Variants in GON4L observed in about 807,000 individuals in gnomAD.
GON4L encodes the protein gon-4 like, also known as GON-4-like protein.
In GON4L, 87 loss-of-function variants were observed where a neutral mutation model predicts 211.8. That is an observed-to-expected ratio of 0.41 (90% confidence interval 0.35 to 0.49). The LOEUF (loss-of-function observed/expected upper bound fraction) is 0.49, where lower values mean the gene tolerates loss of function less well. Ranked by LOEUF, GON4L falls within the 20% of genes least tolerant of loss-of-function variation. GON4L has a pLI of 0.15. For missense variants in GON4L, 2,155 were observed against 2,659.5 expected, an observed-to-expected ratio of 0.81 and a Z score of 4.17; for synonymous variants, 875 against 962.6, an observed-to-expected ratio of 0.91 and a Z score of 1.68.
rs555475969 is a variant in GON4L at position 155,833,267 on chromosome 1, C to CCTGA, written c.506-6240_506-6239insTCAG. On this transcript the variant is annotated intron_variant, in intron 2 of 31. Coordinates refer to ENST00000368331, the MANE Select transcript of GON4L (RefSeq NM_001282860.2). The stretch of plus-strand genomic sequence containing the variant: ...TAGCATTTTAATCTTATAATTTCCT[C>CCTGA]CAGTTCCTTCTGACAACTTATCTTG... 2.1e-3 allele frequency among the ~76,000 whole-genome samples: 319 copies of CCTGA among 152,226 alleles called. 1 individual carries two copies. The highest frequency in any genetic ancestry group is 7.5e-3 in the African/African-American group (310 of 41,540).
intron 1 of GON4L, among the ~76,000 whole-genome samples, chr1:155,854,650 G>T (rs1318542626): frequency 1.3e-5 from 2 of 152,164 alleles, no homozygotes; most frequent in Non-Finnish European, 2.9e-5. Context: ...GATGGTAAAT[G>T]ATCAATACAT....
In GON4L at chr1:155,760,462, T is replaced by A; in HGVS notation, c.5091A>T (p.Gln1697His). ...KDFAAFLLPEQALACGLFEEQ... is the reference protein window; with the variant it reads ...KDFAAFLLPEHALACGLFEEQ... ...CACTTACTAATCCACAGGCCAGAGC[T>A]TGCTCAGGTAACAGGAAAGCAGCAA... Residue 1697 changes from glutamine to histidine, a missense_variant, in exon 24 of 32, where the codon CAA becomes CAT. By Grantham distance (24) the Gln-to-His change is conservative. This residue lies in a region of GON4L where 455 missense variants were observed against 504.6 expected (regional missense o/e 0.90). Transcript: ENST00000368331. The A allele has an allele frequency of 6.2e-7, 1 of 1,609,584 alleles. No homozygotes were observed. Among genetic ancestry groups the A allele is most frequent in the Non-Finnish European group, 8.5e-7 (1 of 1,176,176 alleles).
Position 155,853,571 on chromosome 1 carries a change from C to T in GON4L, c.210G>A (p.Gln70=). The T allele has an allele frequency of 6.2e-7, 1 of 1,614,208 alleles. No individual in the cohort carries two copies. Among genetic ancestry groups the T allele is most frequent in the Non-Finnish European group, 8.5e-7 (1 of 1,180,022 alleles). ...TCAGAGATGTATCCTCCATACCAAG[C>T]TGATTTCCTGCATCCTGCAAAGACT... ...EVQSLQDAGN[Q]LGMEDTSLSS... is the part of the protein sequence containing the mutation. The change falls in exon 2 of 32, where the codon CAG becomes CAA. Residue 70 remains glutamine, a synonymous_variant. Transcript: ENST00000368331.
At position 155,757,255 on chromosome 1, in the gene GON4L, AAAG is replaced by A. The variant is rs1215274287; in HGVS notation, c.5319_5321del (p.Phe1774del). The stretch of plus-strand genomic sequence containing the variant: ...GGCTAGCTGCTGGGCGCAAGTGGTC[AAAG>A]AAGATAGAAAACTCATCCTGCAGGT... On this transcript the variant is annotated inframe_deletion, in exon 26 of 32. Transcript: ENST00000368331. 6.2e-7 allele frequency: 1 copy of A among 1,614,010 alleles called. No homozygotes were observed. The highest frequency in any genetic ancestry group is 1.1e-5 in the South Asian group (1 of 91,088).
At chr1:155,822,209 GA>G (rs1668797579) in intron 4 of GON4L, 76 bp downstream of exon 4, 4 of 1,221,582 alleles carry the variant, frequency 3.3e-6, no homozygotes, top group Non-Finnish European at 4.9e-6. Context: ...CAAGAGTCAA[GA>G]ATTTGCTGAA....
intron 3 of GON4L, among the ~76,000 whole-genome samples, chr1:155,824,976 G>A (rs1020294723): frequency 2.0e-5 from 3 of 151,128 alleles, no homozygotes; most frequent in African/African-American, 4.9e-5. Context: ...AGTGAAAACC[G>A]TCTCTAAAAA....
At chr1:155,833,889 G>A (rs548683631) in intron 2 of GON4L, among the ~76,000 whole-genome samples, 1 of 151,946 alleles carries the variant, frequency 6.6e-6, no homozygotes, top group South Asian at 2.1e-4. Context: ...ATGCAGTGGT[G>A]CGATCAGAGC....
chr1:155,805,160 A>G lies in GON4L; in HGVS notation c.1453-19T>C, dbSNP rs1351928726. On this transcript the variant is annotated intron_variant, in intron 10 of 31. Transcript: ENST00000368331. ...CCATGGGCTGGACAATGGAGAAAGA[A>G]AAGTCACTGAGTGAGTGATGTTTCC... 3.8e-6 allele frequency: 6 copies of G among 1,574,536 alleles called. No individual in the cohort carries two copies. Among genetic ancestry groups the G allele is most frequent in the African/African-American group, 1.3e-5 (1 of 74,176 alleles).
chr1:155,811,754 CAAAAAAAAAAAA>C (rs145360103), intron 10 of GON4L, among the ~76,000 whole-genome samples: 5 of 33,054 alleles, frequency 1.5e-4, no homozygotes, highest in Admixed American at 6.2e-4. Context: ...GACTCTGTCT[CAAAAAAAAAAAA>C]AAAAAAAAAA....
At chr1:155,847,766 C>T (rs1291599607) in intron 2 of GON4L, among the ~76,000 whole-genome samples, 1 of 151,936 alleles carries the variant, frequency 6.6e-6, no homozygotes, top group Non-Finnish European at 1.5e-5. Flanking sequence ...CCCAGGTACT[C>T]GAAAGGCTGG....
At chr1:155,749,590 G>T (rs1354129928), downstream of GON4L, 1 of 1,411,940 alleles carries the variant, frequency 7.1e-7, no homozygotes, top group Non-Finnish European at 9.5e-7. Flanking sequence ...TCAAGCTGCA[G>T]TCCACCGGGT....
intron 15 of GON4L, 69 bp from the exon 16 acceptor site, chr1:155,776,550 T>A: frequency 1.4e-4 from 1 of 7,100 alleles, no homozygotes; most frequent in Non-Finnish European, 1.3e-3. Flanking sequence ...CAGAGAGATC[T>A]TTTTTTTTTT....
At chr1:155,809,192 C>T (rs1278614171) in intron 10 of GON4L, among the ~76,000 whole-genome samples, 1 of 151,998 alleles carries the variant, frequency 6.6e-6, no homozygotes, top group Non-Finnish European at 1.5e-5. Flanking sequence ...GGAATTACAG[C>T]CAAGGAGGTC....
At chr1:155,772,994 A>G (rs892122761) in intron 18 of GON4L, 72 bp downstream of exon 18, 2 of 1,585,896 alleles carry the variant, frequency 1.3e-6, no homozygotes, top group African/African-American at 2.7e-5. Context: ...TACTTCCCCT[A>G]AACTCCTCAA....
chr1:155,767,217 C>A, intron 20 of GON4L: 1 of 1,236,626 alleles, frequency 8.1e-7, no homozygotes, highest in Non-Finnish European at 1.1e-6. Context: ...TTTCCTTTAG[C>A]AAATTATTAT....
chr1:155,832,252 C>G (rs1442453185), intron 2 of GON4L, among the ~76,000 whole-genome samples: 3 of 82,682 alleles, frequency 3.6e-5, no homozygotes, highest in Admixed American at 2.1e-4. Context: ...TCCACTCCAA[C>G]CTGGGCAACA....
chr1:155,766,270 G>T lies in GON4L; in HGVS notation c.3203C>A (p.Ser1068Tyr). 6.2e-7 allele frequency: 1 copy of T among 1,614,154 alleles called. No homozygotes were observed. The highest frequency in any genetic ancestry group is 2.2e-5 in the East Asian group (1 of 44,884). Residue 1068 changes from serine to tyrosine, a missense_variant, in exon 21 of 32, where the codon TCT (serine) becomes TAT (tyrosine). Physicochemically the swap from Ser to Tyr is moderately radical, Grantham distance 144. Around this residue, in one of 6 missense-constraint regions of GON4L, gnomAD observed 615 missense variants for 625.7 expected, o/e 0.98. Coordinates refer to ENST00000368331, the MANE Select transcript of GON4L (RefSeq NM_001282860.2). ...GGGCACAGCAGGCAGTGCTGCAGGA[G>T]ACTCAAAACTCTCACCTCCACTGAC... Reference protein sequence around the residue: ...LGVSGGESFESPAALPAVPPE... With the variant: ...LGVSGGESFEYPAALPAVPPE...
chr1:155,771,127 G>A lies in GON4L; in HGVS notation c.2586C>T (p.His862=), dbSNP rs757231184. The change falls in exon 19 of 32, where the codon CAC becomes CAT. Residue 862 remains histidine (H), a synonymous_variant. Coordinates refer to ENST00000368331, the MANE Select transcript of GON4L (RefSeq NM_001282860.2). Reference sequence around the variant, plus strand: ...GGTTCTTGATTCTCACTGTCAGTTGGTGGGCAGTTTTGCAGGTTAGAAGGT... The same window carrying A: ...GGTTCTTGATTCTCACTGTCAGTTGATGGGCAGTTTTGCAGGTTAGAAGGT... ...SKYLLTCKTA[H]QLTVRIKNLN... 1.2e-6 allele frequency: 2 copies of A among 1,614,168 alleles called. No individual in the cohort carries two copies. The highest frequency in any genetic ancestry group is 1.7e-5 in the Admixed American group (1 of 60,030).
At chr1:155,782,980 A>G (rs1664576793) in intron 14 of GON4L, among the ~76,000 whole-genome samples, 2 of 152,146 alleles carry the variant, frequency 1.3e-5, no homozygotes, top group Admixed American at 6.6e-5. Context: ...AATTTTAAGA[A>G]GTTACAAAGA....
Sources: allele counts gnomAD v4.1 joint callset (sites outside exome capture counted in the v4.1 genomes callset), GRCh38; gene constraint gnomAD v4.1.1; regional missense constraint gnomAD v4.1.1; transcripts MANE v1.5; gene names NCBI Gene and HGNC (gene_info 2026-07-23, HGNC 2026-07-21).